The following PLCG2 variants were observed in gnomAD, a reference collection of about 807,000 sequenced individuals.
PLCG2 encodes the protein 1-phosphatidylinositol 4,5-bisphosphate phosphodiesterase gamma-2.
Under a neutral mutation model 175.6 loss-of-function variants are expected in PLCG2, and 69 were observed. The observed-to-expected ratio is 0.39, with a 90% confidence interval of 0.32 to 0.48. PLCG2 has a LOEUF of 0.48. Among genes scored for constraint, PLCG2 ranks in the 20% least tolerant of loss-of-function variants. The pLI, the probability that PLCG2 is intolerant of heterozygous loss-of-function variation, is 0.91. For missense variants in PLCG2, 1,798 were observed against 1,650.9 expected, an observed-to-expected ratio of 1.09 and a Z score of -1.54; for synonymous variants, 827 against 624.0, an observed-to-expected ratio of 1.33 and a Z score of -4.85.
intron 3 of PLCG2, among the ~76,000 whole-genome samples, chr16:81,856,530 G>A (rs990727579): frequency 2.6e-5 from 4 of 152,160 alleles, no homozygotes; most frequent in African/African-American, 9.7e-5. Context: ...CTGTCCCTCT[G>A]TGCCATCTTG....
Position 81,900,624 on chromosome 16 carries a change from C to T in PLCG2, c.1206C>T (p.Ile402=), listed in dbSNP as rs1305604406. ...HAFVTSSFPV[I]LSIEEHCSVE... ...CTTCTGCCTGCAGCTTCCCAGTGAT[C>T]CTGTCCATCGAGGAGCACTGCAGCG... The change falls in exon 14 of 33, where the codon ATC becomes ATT. Residue 402 remains isoleucine, a synonymous_variant. Coordinates refer to ENST00000564138, the MANE Select transcript of PLCG2 (RefSeq NM_002661.5). The T allele has an allele frequency of 1.9e-6, 3 of 1,593,502 alleles. No homozygotes were observed. Among genetic ancestry groups the T allele is most frequent in the Non-Finnish European group, 2.6e-6 (3 of 1,163,100 alleles).
rs7198047 is a variant in PLCG2 at position 81,902,987 on chromosome 16, G to C, written c.1362+2207G>C. ...CCCATGATTCAATTACCTCCCACTGGGTTCCTCCTATGACACGTGGGAATT... is the reference window on the plus strand; with the variant it reads ...CCCATGATTCAATTACCTCCCACTGCGTTCCTCCTATGACACGTGGGAATT... On this transcript the variant is annotated intron_variant, in intron 14 of 32. Coordinates refer to ENST00000564138, the MANE Select transcript of PLCG2 (RefSeq NM_002661.5). Among the ~76,000 whole-genome samples the C allele has an allele frequency of 2.4e-3, 364 of 152,186 alleles. 3 individuals are homozygous for C. Among genetic ancestry groups the C allele is most frequent in the African/African-American group, 8.3e-3 (344 of 41,522 alleles).
At chr16:81,879,174 C>G (rs575278398) in intron 7 of PLCG2, among the ~76,000 whole-genome samples, 1 of 152,052 alleles carries the variant, frequency 6.6e-6, no homozygotes, top group African/African-American at 2.4e-5. Context: ...GTGAGGGGGG[C>G]CACACACTGG....
At chr16:81,936,957 TC>T (rs1910741478) in intron 27 of PLCG2, among the ~76,000 whole-genome samples, 1 of 152,196 alleles carries the variant, frequency 6.6e-6, no homozygotes, top group African/African-American at 2.4e-5. Flanking sequence ...ATGTAGGTAT[TC>T]CCCATTATTT....
intron 6 of PLCG2, among the ~76,000 whole-genome samples, chr16:81,869,937 G>T (rs534968342): frequency 3.3e-5 from 5 of 152,274 alleles, no homozygotes; most frequent in South Asian, 2.1e-4. Flanking sequence ...GAGCAACCCT[G>T]CATCCAAACA....
intron 2 of PLCG2, among the ~76,000 whole-genome samples, chr16:81,764,195 G>A (rs1567696313): frequency 6.6e-6 from 1 of 152,070 alleles, no homozygotes; most frequent in Admixed American, 6.6e-5. Flanking sequence ...TCCGGAGGCT[G>A]AGTGGGAGGA....
chr16:81,794,117 A>T (rs530382993), intron 2 of PLCG2, among the ~76,000 whole-genome samples: 94 of 152,132 alleles, frequency 6.2e-4, no homozygotes, highest in African/African-American at 2.2e-3. Context: ...GAGAAAGGAG[A>T]CTCAGTGCTC....
chr16:81,791,983 A>C (rs544264356), intron 2 of PLCG2, among the ~76,000 whole-genome samples: 3 of 152,158 alleles, frequency 2.0e-5, no homozygotes, highest in South Asian at 2.1e-4. Flanking sequence ...ACTTGCACCA[A>C]CTCAGATCAG....
intron 24 of PLCG2, 181 bp downstream of exon 24, chr16:81,928,805 T>C (rs1910384735): frequency 5.4e-6 from 3 of 553,168 alleles, no homozygotes; most frequent in Non-Finnish European, 1.0e-5. Context: ...ATGTCTGCTA[T>C]TAATCTCTAC....
intron 10 of PLCG2, among the ~76,000 whole-genome samples, chr16:81,890,372 A>T (rs1908573725): frequency 1.3e-5 from 2 of 152,210 alleles, no homozygotes; most frequent in Non-Finnish European, 1.5e-5. Flanking sequence ...CAAGCCCAGG[A>T]ATAATTAAGG....
chr16:81,820,364 T>C (rs940969885), intron 2 of PLCG2, among the ~76,000 whole-genome samples: 7 of 152,178 alleles, frequency 4.6e-5, no homozygotes, highest in Non-Finnish European at 1.0e-4. Flanking sequence ...CCAACCTACT[T>C]TGAGTCATCC....
chr16:81,886,529 A>G (rs1773525399), intron 9 of PLCG2, among the ~76,000 whole-genome samples: 1 of 152,224 alleles, frequency 6.6e-6, no homozygotes, highest in Admixed American at 6.5e-5. Context: ...TAATGGCAGC[A>G]TTTTTAATAG....
chr16:81,849,718 C>T (rs955774300), intron 2 of PLCG2, among the ~76,000 whole-genome samples: 4 of 141,550 alleles, frequency 2.8e-5, no homozygotes, highest in African/African-American at 8.0e-5. Context: ...TTGCACTGAG[C>T]CAAGATTGTG....
At position 81,946,191 on chromosome 16, in the gene PLCG2, T is replaced by G; in HGVS notation, c.3498T>G (p.Pro1166=). Residue 1166 remains proline (P), a synonymous_variant, in exon 31 of 33, where the codon CCT becomes CCG. Transcript: ENST00000564138. ...KAVKSGFRSV[P]LKNGYSEDIE... ...CTGCTTCAGGATTCAGGTCCGTTCC[T>G]CTGAAGAATGGGTACAGCGAGGACA... 1 of 1,613,776 alleles carries G rather than the reference T, an allele frequency of 6.2e-7. No homozygotes were observed. The highest frequency in any genetic ancestry group is 8.5e-7 in the Non-Finnish European group (1 of 1,179,672).
intron 2 of PLCG2, among the ~76,000 whole-genome samples, chr16:81,758,678 T>TC (rs1491215353): frequency 2.5e-5 from 1 of 39,884 alleles, no homozygotes; most frequent in African/African-American, 4.9e-5. Flanking sequence ...TCCATCTCTC[T>TC]TTTTTTTTTT....
At chr16:81,787,127 A>C (rs35319567) in intron 2 of PLCG2, among the ~76,000 whole-genome samples, 1 of 152,226 alleles carries the variant, frequency 6.6e-6, no homozygotes, top group Non-Finnish European at 1.5e-5. Flanking sequence ...ACAGGCCTCA[A>C]TGTAACAGTT....
At chr16:81,791,724 G>A (rs1911239846) in intron 2 of PLCG2, among the ~76,000 whole-genome samples, 1 of 152,068 alleles carries the variant, frequency 6.6e-6, no homozygotes, top group Admixed American at 6.6e-5. Flanking sequence ...ACCATCACAT[G>A]CAGCTAATTT....
At chr16:81,831,500 G>C (rs575415238) in intron 2 of PLCG2, among the ~76,000 whole-genome samples, 1 of 152,206 alleles carries the variant, frequency 6.6e-6, no homozygotes. Flanking sequence ...CTCTCTATTT[G>C]TCTCAGTTTT....
At chr16:81,947,924 TATG>T (rs1480056627) in intron 31 of PLCG2, among the ~76,000 whole-genome samples, 1 of 152,194 alleles carries the variant, frequency 6.6e-6, no homozygotes, top group African/African-American at 2.4e-5. Context: ...ATTTTTTGTA[TATG>T]ATATTTCCAT....
Sources: allele counts gnomAD v4.1 joint callset (sites outside exome capture counted in the v4.1 genomes callset), GRCh38; gene constraint gnomAD v4.1.1; transcripts MANE v1.5; gene names NCBI Gene and HGNC (gene_info 2026-07-23, HGNC 2026-07-21).